Variants in ARHGAP28 observed in about 807,000 individuals in gnomAD.
The protein encoded by ARHGAP28 is rho GTPase-activating protein 28.
In ARHGAP28, 56 loss-of-function variants were observed where a neutral mutation model predicts 90.7. The ratio of observed to expected loss-of-function variants is 0.62; its 90% CI spans 0.50 to 0.77. ARHGAP28 has a LOEUF of 0.77. Ranked by LOEUF, ARHGAP28 falls within the 30% of genes least tolerant of loss-of-function variation. ARHGAP28 has a pLI of 0.00. For synonymous variants in ARHGAP28, 308 were observed against 323.3 expected, an observed-to-expected ratio of 0.95 and a Z score of 0.51; for missense variants, 869 against 900.9, an observed-to-expected ratio of 0.96 and a Z score of 0.45.
intron 17 of ARHGAP28, among the ~76,000 whole-genome samples, chr18:6,911,347 T>C (rs2057398072): frequency 6.6e-6 from 1 of 152,190 alleles, no homozygotes; most frequent in Non-Finnish European, 1.5e-5. Context: ...CAAGTACCTA[T>C]CTATAAAACC....
intron 2 of ARHGAP28, among the ~76,000 whole-genome samples, chr18:6,828,023 G>A (rs1360726293): frequency 3.3e-5 from 5 of 151,794 alleles, no homozygotes; most frequent in African/African-American, 7.3e-5. Context: ...AGGTTGTAGC[G>A]AGCCGAGATC....
chr18:6,804,931 C>T (rs956506545), intron 1 of ARHGAP28, among the ~76,000 whole-genome samples: 1 of 152,134 alleles, frequency 6.6e-6, no homozygotes, highest in East Asian at 1.9e-4. Flanking sequence ...TATATACTTA[C>T]TTATTTAGTA....
intron 5 of ARHGAP28, among the ~76,000 whole-genome samples, chr18:6,863,692 A>G (rs1006472876): frequency 2.0e-5 from 3 of 151,636 alleles, no homozygotes; most frequent in African/African-American, 7.3e-5. Context: ...AAATCTACAC[A>G]TATTTATAAT....
intron 16 of ARHGAP28, chr18:6,897,697 T>C (rs2057314358): frequency 1.3e-5 from 2 of 152,194 alleles, no homozygotes; most frequent in South Asian, 4.1e-4. Context: ...ATTCCACTTA[T>C]ATAACATTTT....
chr18:6,822,412 A>G (rs1353732594), intron 1 of ARHGAP28, among the ~76,000 whole-genome samples: 10 of 152,128 alleles, frequency 6.6e-5, no homozygotes. Context: ...ATATACTAGT[A>G]CTCTATGAGT....
At chr18:6,826,794 G>A (rs2056667648) in intron 2 of ARHGAP28, among the ~76,000 whole-genome samples, 1 of 149,638 alleles carries the variant, frequency 6.7e-6, no homozygotes, top group African/African-American at 2.5e-5. Flanking sequence ...ATAAACAAGT[G>A]AACAAAGGTC....
intron 1 of ARHGAP28, among the ~76,000 whole-genome samples, chr18:6,786,824 C>A (rs1051397009): frequency 6.6e-6 from 1 of 151,856 alleles, no homozygotes; most frequent in Admixed American, 6.6e-5. Flanking sequence ...AGCAAATTTT[C>A]TTTTCAGAGC....
At chr18:6,828,371 A>AG (rs1449984437) in intron 2 of ARHGAP28, among the ~76,000 whole-genome samples, 1 of 149,660 alleles carries the variant, frequency 6.7e-6, no homozygotes, top group Non-Finnish European at 1.5e-5. Context: ...CCGTGGGGAG[A>AG]GGGAGAGACA....
chr18:6,814,805 G>A (rs1600210111), intron 1 of ARHGAP28, among the ~76,000 whole-genome samples: 1 of 152,172 alleles, frequency 6.6e-6, no homozygotes, highest in Non-Finnish European at 1.5e-5. Context: ...TTTTTAAAAA[G>A]ATGTTTATCC....
intron 15 of ARHGAP28, among the ~76,000 whole-genome samples, chr18:6,895,667 A>AG (rs1366145262): frequency 6.6e-6 from 1 of 152,160 alleles, no homozygotes; most frequent in Non-Finnish European, 1.5e-5. Flanking sequence ...CAAGGATGCA[A>AG]GTCACTTGGA....
intron 13 of ARHGAP28, 36 bp from the exon 14 acceptor site, chr18:6,890,394 G>A (rs1358683798): frequency 1.4e-6 from 2 of 1,388,634 alleles, no homozygotes; most frequent in African/African-American, 1.4e-5. Flanking sequence ...GAATTCAAGT[G>A]TTTTCCATCC....
intron 1 of ARHGAP28, among the ~76,000 whole-genome samples, chr18:6,746,466 A>G (rs1014020380): frequency 1.3e-5 from 2 of 152,272 alleles, no homozygotes; most frequent in South Asian, 2.1e-4. Context: ...CCTGTGGGCC[A>G]TAATAGTATC....
intron 1 of ARHGAP28, among the ~76,000 whole-genome samples, chr18:6,759,792 G>A (rs767900421): frequency 2.6e-5 from 3 of 115,850 alleles, no homozygotes; most frequent in Non-Finnish European, 5.9e-5. Flanking sequence ...AAAGAATAAC[G>A]TGACTTTAAA....
intron 1 of ARHGAP28, among the ~76,000 whole-genome samples, chr18:6,787,219 TAAAAAAAAAAAAAA>T (rs11350947): frequency 1.1e-5 from 1 of 94,642 alleles, no homozygotes; most frequent in Non-Finnish European, 2.1e-5. Context: ...AAACTCCATT[TAAAAAAAAAAAAAA>T]AAAAAAAAAG....
intron 1 of ARHGAP28, among the ~76,000 whole-genome samples, chr18:6,783,019 T>C (rs1600179394): frequency 6.6e-6 from 1 of 152,144 alleles, no homozygotes; most frequent in Non-Finnish European, 1.5e-5. Context: ...GGTCTTCCCT[T>C]AACTGCCACA....
chr18:6,773,521 GA>G (rs1329069747), intron 1 of ARHGAP28, among the ~76,000 whole-genome samples: 4 of 152,138 alleles, frequency 2.6e-5, no homozygotes, highest in African/African-American at 9.7e-5. Context: ...TATTCAGATG[GA>G]AAATCTGAGG....
intron 7 of ARHGAP28, 50 bp downstream of exon 7, chr18:6,870,782 G>A (rs748138610): frequency 1.3e-6 from 2 of 1,535,880 alleles, no homozygotes; most frequent in East Asian, 4.5e-5. Context: ...TGACTTCATA[G>A]GACAAAACTA....
In ARHGAP28 at chr18:6,808,858, A is replaced by G. The variant is rs1270797250; in HGVS notation, c.123-15904A>G. Among the ~76,000 whole-genome samples the G allele has an allele frequency of 5.9e-5, 9 of 152,208 alleles. 1 individual carries two copies. The highest frequency in any genetic ancestry group is 5.9e-4 in the Admixed American group (9 of 15,286). ...TATAGCTCCGTGGTTCTTTGTGTAG[A>G]AGTTAATTTTTGCCTGATCTTGAGA... On this transcript the variant is annotated intron_variant, in intron 1 of 17. Coordinates refer to ENST00000383472, the MANE Select transcript of ARHGAP28 (RefSeq NM_001366230.1).
At position 6,777,492 on chromosome 18, in the gene ARHGAP28, G is replaced by A. The variant is rs1051561544; in HGVS notation, c.123-47270G>A. Among the ~76,000 whole-genome samples, 15 of 152,256 alleles carry A rather than the reference G, an allele frequency of 9.9e-5. 1 individual carries two copies. Among genetic ancestry groups the A allele is most frequent in the Admixed American group, 6.5e-4 (10 of 15,286 alleles). On this transcript the variant is annotated intron_variant, in intron 1 of 17. Transcript: ENST00000383472. The stretch of plus-strand genomic sequence containing the variant: ...AATCCCAGCACTTTGGAGGGCAGAG[G>A]TGGGAAGTTCACTTGAGCTCAGGAG...
Sources: allele counts gnomAD v4.1 joint callset (sites outside exome capture counted in the v4.1 genomes callset), GRCh38; gene constraint gnomAD v4.1.1; transcripts MANE v1.5; gene names NCBI Gene and HGNC (gene_info 2026-07-23, HGNC 2026-07-21).